The following SULF1 variants were observed in gnomAD, a reference collection of about 807,000 sequenced individuals.
SULF1 encodes sulfatase 1.
A neutral mutation model predicts 110.5 loss-of-function variants in SULF1; 46 were observed. That is an observed-to-expected ratio of 0.42 (90% CI 0.33 to 0.53). The LOEUF (loss-of-function observed/expected upper bound fraction) is 0.53. Among genes scored for constraint, SULF1 ranks in the 20% least tolerant of loss-of-function variants. The pLI is 0.12. For synonymous variants in SULF1, 371 were observed against 387.1 expected (o/e 0.96, Z 0.49); for missense variants, 941 against 1,094.2 (o/e 0.86, Z 1.98).
At chr8:69,625,685 TGA>T (rs1809951060) in intron 15 of SULF1, among the ~76,000 whole-genome samples, 1 of 152,090 alleles carries the variant, frequency 6.6e-6, no homozygotes, top group East Asian at 1.9e-4. Context: ...ATCTTCGCGG[TGA>T]GTGTTACAGC....
At chr8:69,580,827 A>G (rs1228687337) in intron 6 of SULF1, among the ~76,000 whole-genome samples, 1 of 152,196 alleles carries the variant, frequency 6.6e-6, no homozygotes, top group Admixed American at 6.5e-5. Context: ...CTGAAAAAGA[A>G]AAATTATATC....
At chr8:69,577,570 G>A (rs1586451869) in intron 6 of SULF1, among the ~76,000 whole-genome samples, 1 of 152,216 alleles carries the variant, frequency 6.6e-6, no homozygotes, top group Admixed American at 6.5e-5. Flanking sequence ...TATCCAGAGT[G>A]AAATGGATGA....
intron 3 of SULF1, among the ~76,000 whole-genome samples, chr8:69,534,826 C>G (rs1461143109): frequency 6.6e-6 from 1 of 151,220 alleles, no homozygotes; most frequent in Non-Finnish European, 1.5e-5. Context: ...CTGCCCTAAA[C>G]ATAGACGTCA....
chr8:69,641,898 G>A (rs924854799), intron 22 of SULF1, among the ~76,000 whole-genome samples: 5 of 151,940 alleles, frequency 3.3e-5, no homozygotes, highest in African/African-American at 7.3e-5. Context: ...GAGGGGGGAC[G>A]CACGCTCCTG....
chr8:69,623,754 C>T (rs1313235903), intron 14 of SULF1, among the ~76,000 whole-genome samples, 188 bp from the exon 15 acceptor site: 2 of 100,340 alleles, frequency 2.0e-5, no homozygotes, highest in Admixed American at 2.0e-4. Flanking sequence ...CAGGCAATGG[C>T]ACTGCCAGGC....
chr8:69,537,846 G>A (rs1030563879), intron 3 of SULF1, among the ~76,000 whole-genome samples: 4 of 151,838 alleles, frequency 2.6e-5, no homozygotes, highest in African/African-American at 4.8e-5. Context: ...TCTTTTCAGG[G>A]CCCTTTTAAC....
In SULF1 at chr8:69,604,865, A is replaced by G. The variant is rs1808110531; in HGVS notation, c.1310A>G (p.Lys437Arg). 6.2e-7 allele frequency: 1 copy of G among 1,614,226 alleles called. No individual in the cohort carries two copies. Among genetic ancestry groups the G allele is most frequent in the Non-Finnish European group, 8.5e-7 (1 of 1,180,038 alleles). Reference protein sequence around the residue: ...KNIQQSNHLPKYERVKELCQQ... With the variant: ...KNIQQSNHLPRYERVKELCQQ... ...ATCCAACAGTCAAATCACTTGCCCA[A>G]ATATGAACGGGTCAAAGAACTATGC... Residue 437 changes from lysine (K) to arginine (R), a missense_variant, in exon 13 of 23, where the codon AAA becomes AGA. Physicochemically the swap from Lys to Arg is conservative, Grantham distance 26. Transcript: ENST00000402687.
intron 3 of SULF1, among the ~76,000 whole-genome samples, chr8:69,526,737 G>A (rs1350286728): frequency 6.6e-6 from 1 of 151,296 alleles, no homozygotes; most frequent in African/African-American, 2.4e-5. Context: ...GCTGCAAAGA[G>A]CTTTGTTTAC....
chr8:69,469,015 G>A (rs1275737535), intron 1 of SULF1, among the ~76,000 whole-genome samples: 1 of 152,182 alleles, frequency 6.6e-6, no homozygotes, highest in Admixed American at 6.5e-5. Flanking sequence ...AACAAGAAAG[G>A]AAGTGTGGAG....
chr8:69,637,843 T>A (rs1291301925), intron 19 of SULF1: 1 of 152,466 alleles, frequency 6.6e-6, no homozygotes, highest in Non-Finnish European at 1.5e-5. Flanking sequence ...TTGGAACATG[T>A]GCCCTTTTGT....
At chr8:69,647,756 G>A (rs1812032918) in intron 22 of SULF1, among the ~76,000 whole-genome samples, 1 of 151,960 alleles carries the variant, frequency 6.6e-6, no homozygotes, top group South Asian at 2.1e-4. Flanking sequence ...CCCGGACGTG[G>A]TGGTGCATGC....
chr8:69,607,188 C>T (rs1007856647), intron 13 of SULF1, among the ~76,000 whole-genome samples: 5 of 152,230 alleles, frequency 3.3e-5, no homozygotes, highest in Non-Finnish European at 5.9e-5. Flanking sequence ...AACAAGTCCT[C>T]CAGGTGACTC....
chr8:69,565,862 C>A (rs2150724687), intron 5 of SULF1, among the ~76,000 whole-genome samples: 1 of 152,270 alleles, frequency 6.6e-6, no homozygotes, highest in East Asian at 1.9e-4. Flanking sequence ...TTGCCATCTC[C>A]CCAAAGGTGT....
At chr8:69,551,681 GACTTGCAACACCT>G (rs1359664047) in intron 3 of SULF1, among the ~76,000 whole-genome samples, 7 of 152,224 alleles carry the variant, frequency 4.6e-5, no homozygotes, top group Non-Finnish European at 8.8e-5. Flanking sequence ...TCACGGAAGA[GACTTGCAACACCT>G]ACTTGTCTGG....
At chr8:69,597,340 G>C (rs1807420676) in intron 8 of SULF1, 1 of 152,198 alleles carries the variant, frequency 6.6e-6, no homozygotes, top group Admixed American at 6.5e-5. Context: ...TGTTCTGTGG[G>C]AAGCAGTGGC....
chr8:69,474,979 T>C lies in SULF1; in HGVS notation c.-391+8029T>C, dbSNP rs897605721. On this transcript the variant is annotated intron_variant, in intron 1 of 22. Coordinates refer to the SULF1 transcript ENST00000260128. Reference sequence around the variant, plus strand: ...CTGAGGCTTGGTGATAAAGTGAGTATGTCCTTTTCAAATAAAAATAGCCCT... The same window carrying C: ...CTGAGGCTTGGTGATAAAGTGAGTACGTCCTTTTCAAATAAAAATAGCCCT... Among the ~76,000 whole-genome samples the C allele has an allele frequency of 5.9e-5, 9 of 152,294 alleles. No homozygotes were observed. In the South Asian group the frequency reaches 1.9e-3, roughly 32 times the overall value.
intron 3 of SULF1, among the ~76,000 whole-genome samples, chr8:69,517,197 G>A (rs1317070005): frequency 1.3e-5 from 2 of 152,114 alleles, no homozygotes; most frequent in East Asian, 1.9e-4. Context: ...AAAGAATGGG[G>A]CAAAACTTCT....
intron 3 of SULF1, among the ~76,000 whole-genome samples, chr8:69,562,290 C>G (rs1376796313): frequency 5.3e-5 from 8 of 152,198 alleles, no homozygotes. Flanking sequence ...AATATCCAGT[C>G]TTTCTTCTTT....
intron 6 of SULF1, among the ~76,000 whole-genome samples, chr8:69,577,686 C>A (rs1038942765): frequency 6.6e-6 from 1 of 152,064 alleles, no homozygotes; most frequent in African/African-American, 2.4e-5. Context: ...TTAGGAAGGG[C>A]AAGAAAGAAG....
Sources: allele counts gnomAD v4.1 joint callset (sites outside exome capture counted in the v4.1 genomes callset), GRCh38; gene constraint gnomAD v4.1.1; transcripts MANE v1.5; gene names NCBI Gene and HGNC (gene_info 2026-07-23, HGNC 2026-07-21).